Variants in EGLN3 observed in about 807,000 individuals in gnomAD.
EGLN3 encodes the protein egl-9 family hypoxia inducible factor 3, also known as prolyl hydroxylase EGLN3.
EGLN3 carries 15 observed loss-of-function variants against 26.0 expected under a neutral mutation model. The ratio of observed to expected loss-of-function variants is 0.58; its 90% CI spans 0.39 to 0.89. The LOEUF (loss-of-function observed/expected upper bound fraction) is 0.89. Ranked by LOEUF, EGLN3 falls within the 40% of genes least tolerant of loss-of-function variation. EGLN3 has a pLI of 0.00. For synonymous variants in EGLN3, 147 were observed against 127.2 expected, an observed-to-expected ratio of 1.16 and a Z score of -1.05; for missense variants, 238 against 311.6, an observed-to-expected ratio of 0.76 and a Z score of 1.78.
chr14:33,924,405 A>C lies in EGLN3; in HGVS notation c.*1486T>G, dbSNP rs572810614. Reference sequence around the variant, plus strand: ...TAAACATAATAAGTGAATAAATTACATAGTAATTTAGAAGGTGATAACTAT... The same window carrying C: ...TAAACATAATAAGTGAATAAATTACCTAGTAATTTAGAAGGTGATAACTAT... On this transcript the variant is annotated 3_prime_UTR_variant, in exon 5 of 5. Coordinates refer to ENST00000250457, the MANE Select transcript of EGLN3 (RefSeq NM_022073.4). 3.3e-5 allele frequency: 5 copies of C among 152,336 alleles called. No individual in the cohort carries two copies. The highest frequency in any genetic ancestry group is 1.2e-4 in the African/African-American group (5 of 41,578). 9.4% of individuals were successfully genotyped at this position (152,336 alleles called of 1,614,324 possible). A position where few individuals can be genotyped will look rare whatever the true frequency, so the allele number is the denominator to read the frequency against.
chr14:33,940,407 A>G (rs372874696), intron 1 of EGLN3, among the ~76,000 whole-genome samples: 1 of 152,052 alleles, frequency 6.6e-6, no homozygotes, highest in African/African-American at 2.4e-5. Flanking sequence ...TTTTAGCAAT[A>G]AATAATCTAA....
chr14:33,944,071 C>T (rs914447504), intron 1 of EGLN3, among the ~76,000 whole-genome samples: 2 of 152,136 alleles, frequency 1.3e-5, no homozygotes, highest in African/African-American at 4.8e-5. Flanking sequence ...ACCCTGGTCC[C>T]AGTCTGTCTG....
chr14:33,936,282 A>G (rs1036671071), intron 1 of EGLN3, among the ~76,000 whole-genome samples: 5 of 149,928 alleles, frequency 3.3e-5, no homozygotes, highest in African/African-American at 1.2e-4. Flanking sequence ...GAGACCATGC[A>G]CCTTCTTTTG....
At position 33,929,096 on chromosome 14, in the gene EGLN3, C is replaced by A; in HGVS notation, c.594G>T (p.Val198=). The change falls in exon 3 of 5, where the codon GTG becomes GTT. Residue 198 remains valine (V), a synonymous_variant. Transcript: ENST00000250457. The part of the protein sequence containing the change: ...FWSDRRNPHE[V]QPSYATRYAM... Reference sequence around the variant, plus strand: ...ATTACCTGGTTGCGTAAGAGGGCTGCACTTCGTGTGGGTTCCTACGATCTG... The same window carrying A: ...ATTACCTGGTTGCGTAAGAGGGCTGAACTTCGTGTGGGTTCCTACGATCTG... 6.2e-7 allele frequency: 1 copy of A among 1,614,050 alleles called. No homozygotes were observed. Among genetic ancestry groups the A allele is most frequent in the Non-Finnish European group, 8.5e-7 (1 of 1,180,024 alleles).
chr14:33,942,045 G>A (rs1166053196), intron 1 of EGLN3, among the ~76,000 whole-genome samples: 1 of 152,130 alleles, frequency 6.6e-6, no homozygotes, highest in Non-Finnish European at 1.5e-5. Context: ...AGTAGATAAT[G>A]AAGAAGGAGC....
At chr14:33,931,321 C>G in intron 1 of EGLN3, 106 bp from the exon 2 acceptor site, 1 of 1,524,274 alleles carries the variant, frequency 6.6e-7, no homozygotes, top group Non-Finnish European at 8.9e-7. Flanking sequence ...TGTTACGTGA[C>G]ATTTACAGGT....
intron 1 of EGLN3, among the ~76,000 whole-genome samples, chr14:33,938,982 C>G (rs2138820789): frequency 6.6e-6 from 1 of 152,302 alleles, no homozygotes; most frequent in Non-Finnish European, 1.5e-5. Context: ...AAAACATCAC[C>G]TATGGCTCTC....
At chr14:33,940,388 T>C (rs1315150849) in intron 1 of EGLN3, among the ~76,000 whole-genome samples, 1 of 152,208 alleles carries the variant, frequency 6.6e-6, no homozygotes, top group Non-Finnish European at 1.5e-5. Context: ...TTTTTGTTTT[T>C]TTTTTTAGTT....
intron 1 of EGLN3, among the ~76,000 whole-genome samples, chr14:33,945,941 C>T (rs2064514587): frequency 6.6e-6 from 1 of 152,230 alleles, no homozygotes; most frequent in East Asian, 1.9e-4. Flanking sequence ...AAATGTTTTG[C>T]TGTTTCATCA....
chr14:33,932,310 C>T (rs1945614590), intron 1 of EGLN3, among the ~76,000 whole-genome samples: 1 of 152,124 alleles, frequency 6.6e-6, no homozygotes, highest in Non-Finnish European at 1.5e-5. Context: ...AGTAAGTTCA[C>T]ATTTTACCTA....
intron 1 of EGLN3, among the ~76,000 whole-genome samples, chr14:33,947,366 C>T (rs988219017): frequency 6.6e-6 from 1 of 152,280 alleles, no homozygotes; most frequent in East Asian, 1.9e-4. Context: ...GATTTTTCTC[C>T]AGCAAAGATG....
chr14:33,926,841 C>T (rs981688587), intron 4 of EGLN3, 119 bp downstream of exon 4: 15 of 629,596 alleles, frequency 2.4e-5, no homozygotes, highest in African/African-American at 1.5e-4. Flanking sequence ...ATCAAGATGT[C>T]ATTATATATA....
intron 4 of EGLN3, among the ~76,000 whole-genome samples, 166 bp downstream of exon 4, chr14:33,926,794 C>G (rs1292689037): frequency 6.6e-6 from 1 of 152,150 alleles, no homozygotes; most frequent in East Asian, 1.9e-4. Flanking sequence ...TCTGATTTTT[C>G]TAAGAGCCCT....
At chr14:33,949,865 G>C (rs1188955163) in intron 1 of EGLN3, 1 of 175,948 alleles carries the variant, frequency 5.7e-6, no homozygotes, top group Non-Finnish European at 1.2e-5. Context: ...GCAGCATTCA[G>C]AAGTGGAGTT....
In EGLN3 at chr14:33,950,608, G is replaced by A; in HGVS notation, c.145C>T (p.Gln49Ter). ...CGCAGGGCCCCGGTGCAGTGCAGCT[G>A]CTTGACGCGCTCCAGGACGCAGTCG... ...VGDCVLERVKQLHCTGALRDG... is the reference protein window; with the variant it reads ...VGDCVLERVK The change falls in exon 1 of 5, where the codon CAG becomes TAG. Residue 49 changes from glutamine (Q) to a stop codon, truncating the protein, a stop_gained. Coordinates refer to ENST00000250457, the MANE Select transcript of EGLN3 (RefSeq NM_022073.4). LOFTEE classifies it high-confidence loss of function. The A allele has an allele frequency of 6.2e-7, 1 of 1,613,696 alleles. No individual in the cohort carries two copies. Among genetic ancestry groups the A allele is most frequent in the Non-Finnish European group, 8.5e-7 (1 of 1,179,914 alleles).
At chr14:33,944,191 G>A (rs1354498953) in intron 1 of EGLN3, among the ~76,000 whole-genome samples, 5 of 151,832 alleles carry the variant, frequency 3.3e-5, no homozygotes, top group African/African-American at 7.3e-5. Context: ...GTGCAATCTC[G>A]GCTCACTGCA....
chr14:33,950,613 A>AGC lies in EGLN3; in HGVS notation c.139_140insGC (p.Val47GlyfsTer107). On this transcript the variant is annotated frameshift_variant, in exon 1 of 5. Coordinates refer to ENST00000250457, the MANE Select transcript of EGLN3 (RefSeq NM_022073.4). LOFTEE classifies it high-confidence loss of function. ...GGCCCCGGTGCAGTGCAGCTGCTTG[A>AGC]CGCGCTCCAGGACGCAGTCGCCCAC... The AGC allele has an allele frequency of 6.2e-7, 1 of 1,613,552 alleles. No individual in the cohort carries two copies.
In EGLN3 at chr14:33,950,386, C is replaced by A. The variant is rs200961888; in HGVS notation, c.357+10G>T. 7.6e-5 allele frequency: 123 copies of A among 1,611,770 alleles called. No homozygotes were observed. The highest frequency in any genetic ancestry group is 1.0e-4 in the Non-Finnish European group (122 of 1,178,978). ...GGAGCAGCTGCGGCAGGGCGCCGAG[C>A]GCGTCCTACCTTAGACCTCTCCTTG... is the stretch of plus-strand genomic sequence containing the variant. On this transcript the variant is annotated intron_variant, in intron 1 of 4. Transcript: ENST00000250457.
chr14:33,929,893 C>T (rs1162803238), intron 2 of EGLN3, among the ~76,000 whole-genome samples: 2 of 152,142 alleles, frequency 1.3e-5, no homozygotes, highest in Non-Finnish European at 2.9e-5. Flanking sequence ...TCACATGTAA[C>T]TTCCCCTTCA....
Sources: allele counts gnomAD v4.1 joint callset (sites outside exome capture counted in the v4.1 genomes callset), GRCh38; gene constraint gnomAD v4.1.1; transcripts MANE v1.5; gene names NCBI Gene and HGNC (gene_info 2026-07-23, HGNC 2026-07-21).